Variants in OXSR1 observed in about 807,000 individuals in gnomAD.
The protein encoded by OXSR1 is serine/threonine-protein kinase OSR1.
In OXSR1, 24 loss-of-function variants were observed where a neutral mutation model predicts 79.8. The observed-to-expected ratio is 0.30, with a 90% confidence interval of 0.22 to 0.42. The LOEUF (loss-of-function observed/expected upper bound fraction) is 0.42, where lower values mean the gene tolerates loss of function less well. OXSR1 is among the 10% of genes least tolerant of loss of function. The pLI is 1.00. For missense variants in OXSR1, 430 were observed against 618.4 expected (o/e 0.70, Z 3.23); for synonymous variants, 226 against 209.2 (o/e 1.08, Z -0.69).
chr3:38,224,527 T>C lies in OXSR1; in HGVS notation c.703-44T>C, dbSNP rs754247167. The C allele has an allele frequency of 1.1e-5, 16 of 1,504,328 alleles. No homozygotes were observed. The African/African-American group carries it at 1.2e-4, about 11-fold the overall frequency. 93.2% of individuals were successfully genotyped at this position (1,504,328 alleles called of 1,614,324 possible). On this transcript the variant is annotated intron_variant, in intron 7 of 17. Coordinates refer to ENST00000311806, the MANE Select transcript of OXSR1 (RefSeq NM_005109.3). ...AATCTTGACCACAATAGTTAAACTT[T>C]ACTGAGTCATCACAAGTTTATAGTA...
At position 38,225,832 on chromosome 3, in the gene OXSR1, C is replaced by G. The variant is rs180958784; in HGVS notation, c.836+1128C>G. On this transcript the variant is annotated intron_variant, in intron 8 of 17. Transcript: ENST00000311806. ...AACCTACTGATTTGGATTTATAACT[C>G]CCATGTGAAAACTGGAAGTGAGATC... 5.3e-5 allele frequency among the ~76,000 whole-genome samples: 8 copies of G among 152,184 alleles called. No homozygotes were observed. In the East Asian group the frequency reaches 9.6e-4, roughly 18 times the overall value.
At chr3:38,229,852 T>A in intron 9 of OXSR1, 117 bp downstream of exon 9, 1 of 797,704 alleles carries the variant, frequency 1.3e-6, no homozygotes, top group South Asian at 1.5e-5. Context: ...GTAGATAAAA[T>A]AATTGCAGAA....
intron 5 of OXSR1, among the ~76,000 whole-genome samples, chr3:38,219,460 A>G (rs1199774416): frequency 1.3e-5 from 2 of 152,200 alleles, no homozygotes; most frequent in Non-Finnish European, 2.9e-5. Flanking sequence ...TGATAAGAAT[A>G]CCTAGTACTT....
intron 10 of OXSR1, among the ~76,000 whole-genome samples, chr3:38,232,488 C>T (rs1702831707): frequency 6.6e-6 from 1 of 152,070 alleles, no homozygotes; most frequent in East Asian, 1.9e-4. Context: ...AGCACGGTGG[C>T]TCACGCCTGT....
intron 15 of OXSR1, 200 bp downstream of exon 15, chr3:38,250,218 A>T (rs1436740833): frequency 7.4e-6 from 4 of 539,614 alleles, no homozygotes; most frequent in Non-Finnish European, 1.3e-5. Context: ...ATAATAATAC[A>T]AACAGTAATA....
chr3:38,194,937 A>G (rs998255738), intron 3 of OXSR1, among the ~76,000 whole-genome samples: 3 of 152,190 alleles, frequency 2.0e-5, no homozygotes, highest in Non-Finnish European at 4.4e-5. Context: ...ATGAATAGTG[A>G]GTGTCACTCT....
At chr3:38,222,399 G>A (rs1009340592) in intron 6 of OXSR1, among the ~76,000 whole-genome samples, 3 of 152,124 alleles carry the variant, frequency 2.0e-5, no homozygotes, top group African/African-American at 7.2e-5. Context: ...ACACGGAACC[G>A]AAATCTGCTT....
At chr3:38,192,539 A>G (rs1702002871) in intron 3 of OXSR1, among the ~76,000 whole-genome samples, 3 of 152,242 alleles carry the variant, frequency 2.0e-5, no homozygotes, top group Admixed American at 1.3e-4. Flanking sequence ...TTAAGCTTGA[A>G]TCTCTTTTCC....
At chr3:38,200,822 A>C (rs1307604280) in intron 4 of OXSR1, among the ~76,000 whole-genome samples, 2 of 152,274 alleles carry the variant, frequency 1.3e-5, no homozygotes, top group African/African-American at 4.8e-5. Context: ...CACATTTTGA[A>C]GAATCTTAAA....
intron 4 of OXSR1, 152 bp from the exon 5 acceptor site, chr3:38,215,944 A>G (rs888734358): frequency 5.0e-6 from 3 of 603,560 alleles, no homozygotes; most frequent in Admixed American, 3.3e-5. Flanking sequence ...ACCAGTGACA[A>G]CAATTTTACT....
intron 1 of OXSR1, among the ~76,000 whole-genome samples, chr3:38,179,343 AT>A (rs1477935683): frequency 6.6e-6 from 1 of 150,840 alleles, no homozygotes; most frequent in Non-Finnish European, 1.5e-5. Context: ...TAATTTTTTT[AT>A]TTTTCATAGA....
chr3:38,250,030 A>G lies in OXSR1; in HGVS notation c.1375+12A>G, dbSNP rs368700252. 3 of 1,536,914 alleles carry G rather than the reference A, an allele frequency of 2.0e-6. 1 individual carries two copies. The South Asian group carries it at 3.4e-5, about 17-fold the overall frequency. Reference sequence around the variant, plus strand: ...TACTCCTGGGAGAGGTGAGGCATCAAATGGATTGAAAACAAAATAGCTTCC... The same window carrying G: ...TACTCCTGGGAGAGGTGAGGCATCAGATGGATTGAAAACAAAATAGCTTCC... On this transcript the variant is annotated intron_variant, in intron 15 of 17. Coordinates refer to ENST00000311806, the MANE Select transcript of OXSR1 (RefSeq NM_005109.3).
chr3:38,223,194 G>A (rs1203577765), intron 6 of OXSR1, among the ~76,000 whole-genome samples: 1 of 152,070 alleles, frequency 6.6e-6, no homozygotes, highest in Admixed American at 6.5e-5. Context: ...GGAGTGCAGT[G>A]GTGCCATCAT....
chr3:38,203,243 C>G (rs1702200677), intron 4 of OXSR1, among the ~76,000 whole-genome samples: 1 of 152,222 alleles, frequency 6.6e-6, no homozygotes, highest in South Asian at 2.1e-4. Context: ...GCCCCCTGTC[C>G]TATGATCACG....
In OXSR1 at chr3:38,228,569, GTTTGTT is replaced by G. The variant is rs112686026; in HGVS notation, c.837-1117_837-1112del. On this transcript the variant is annotated intron_variant, in intron 8 of 17. Coordinates refer to ENST00000311806, the MANE Select transcript of OXSR1 (RefSeq NM_005109.3). ...GAGGTACAGCCTGGTCATTGGTTTT[GTTTGTT>G]CGTTTGTTTGTTTTTGAGACAGTCT... is the stretch of plus-strand genomic sequence containing the variant. 2.5e-3 allele frequency among the ~76,000 whole-genome samples: 380 copies of G among 152,184 alleles called. 4 individuals carry two copies. Among genetic ancestry groups the G allele is most frequent in the African/African-American group, 7.9e-3 (327 of 41,530 alleles).
At chr3:38,210,061 T>TG (rs1702354296) in intron 4 of OXSR1, among the ~76,000 whole-genome samples, 1 of 152,198 alleles carries the variant, frequency 6.6e-6, no homozygotes, top group Non-Finnish European at 1.5e-5. Context: ...GGTTTTTTTT[T>TG]TTTCCTCTTG....
intron 12 of OXSR1, among the ~76,000 whole-genome samples, chr3:38,243,347 C>T (rs929533388): frequency 3.9e-5 from 6 of 152,088 alleles, no homozygotes; most frequent in Admixed American, 3.3e-4. Context: ...AGTGTTTTTG[C>T]ATTAATTTGT....
At chr3:38,225,694 A>G (rs1302930511) in intron 8 of OXSR1, among the ~76,000 whole-genome samples, 1 of 152,194 alleles carries the variant, frequency 6.6e-6, no homozygotes, top group African/African-American at 2.4e-5. Flanking sequence ...GATAAAATCT[A>G]TCCAACTTAA....
chr3:38,205,130 CTG>C (rs991422231), intron 4 of OXSR1, among the ~76,000 whole-genome samples: 32 of 151,968 alleles, frequency 2.1e-4, no homozygotes, highest in African/African-American at 7.0e-4. Context: ...GATTCTCTCT[CTG>C]TGCCCTGCAG....
Sources: gnomAD v4.1 joint callset for allele counts (sites outside exome capture counted in the v4.1 genomes callset) on GRCh38, gnomAD v4.1.1 for gene constraint, MANE v1.5 for transcripts, NCBI Gene and HGNC (gene_info 2026-07-23, HGNC 2026-07-21) for gene names.